The following COMMD10 variants were observed in gnomAD, a reference collection of about 807,000 sequenced individuals.
The protein encoded by COMMD10 is COMM domain-containing protein 10.
COMMD10 carries 33 observed loss-of-function variants against 28.9 expected under a neutral mutation model. That is an observed-to-expected ratio of 1.14 (90% CI 0.87 to 1.53). The LOEUF is 1.53. Ranked by LOEUF, COMMD10 falls within the 40% of genes most tolerant of loss-of-function variation. The pLI is 0.00. For missense variants in COMMD10, 310 were observed against 233.4 expected, an observed-to-expected ratio of 1.33 and a Z score of -2.14; for synonymous variants, 110 against 81.7, an observed-to-expected ratio of 1.35 and a Z score of -1.87.
At chr5:116,197,286 C>A (rs60078671) in intron 5 of COMMD10, among the ~76,000 whole-genome samples, 16,941 of 152,054 alleles carry the variant, frequency 0.11, 1,355 homozygotes, top group African/African-American at 0.22. Flanking sequence ...ACATTTTTTA[C>A]TTTGCAAAAT....
At chr5:116,244,110 A>G (rs540310987) in intron 5 of COMMD10, among the ~76,000 whole-genome samples, 1 of 152,300 alleles carries the variant, frequency 6.6e-6, no homozygotes, top group East Asian at 1.9e-4. Flanking sequence ...AGGCAACTTC[A>G]AGAACTGTTG....
At chr5:116,234,593 T>G (rs926945910) in intron 5 of COMMD10, among the ~76,000 whole-genome samples, 2 of 152,116 alleles carry the variant, frequency 1.3e-5, no homozygotes, top group Non-Finnish European at 2.9e-5. Flanking sequence ...TAAAGTAAAA[T>G]TCAGTGTTCA....
chr5:116,292,003 A>AC (rs1299108256), intron 6 of COMMD10, among the ~76,000 whole-genome samples: 1 of 151,432 alleles, frequency 6.6e-6, no homozygotes, highest in Non-Finnish European at 1.5e-5. Flanking sequence ...TACTCCCTCC[A>AC]CCCCCCAACT....
intron 5 of COMMD10, among the ~76,000 whole-genome samples, chr5:116,193,355 A>C (rs140997663): frequency 6.6e-6 from 1 of 152,338 alleles, no homozygotes; most frequent in East Asian, 1.9e-4. Context: ...TAAATGTTCC[A>C]CTTAAAAGAT....
chr5:116,201,547 G>C (rs921316352), intron 5 of COMMD10, among the ~76,000 whole-genome samples: 1 of 152,090 alleles, frequency 6.6e-6, no homozygotes, highest in Non-Finnish European at 1.5e-5. Flanking sequence ...TCTCCAATCT[G>C]GGGGGCAATG....
chr5:116,187,677 G>A (rs941298029), intron 5 of COMMD10, among the ~76,000 whole-genome samples: 4 of 151,848 alleles, frequency 2.6e-5, no homozygotes, highest in Non-Finnish European at 2.9e-5. Context: ...AATATCCAAC[G>A]GAAATTTGGA....
At chr5:116,145,919 A>G (rs1752336011) in intron 5 of COMMD10, among the ~76,000 whole-genome samples, 1 of 151,964 alleles carries the variant, frequency 6.6e-6, no homozygotes, top group Non-Finnish European at 1.5e-5. Context: ...CTGTGAGTCA[A>G]TTAAACCTCT....
intron 5 of COMMD10, among the ~76,000 whole-genome samples, chr5:116,267,852 G>A (rs1329270340): frequency 6.6e-6 from 1 of 151,838 alleles, no homozygotes; most frequent in Admixed American, 6.6e-5. Context: ...ATGGGGAAAG[G>A]ATTCCCTATT....
intron 5 of COMMD10, among the ~76,000 whole-genome samples, chr5:116,221,995 T>C (rs1749272349): frequency 6.6e-6 from 1 of 152,196 alleles, no homozygotes; most frequent in Admixed American, 6.5e-5. Flanking sequence ...GCATCTTCTT[T>C]AGTTACCAGG....
At chr5:116,159,186 C>T (rs1752837670) in intron 5 of COMMD10, among the ~76,000 whole-genome samples, 3 of 152,098 alleles carry the variant, frequency 2.0e-5, no homozygotes, top group African/African-American at 2.4e-5. Flanking sequence ...AAAGTGAAAC[C>T]CAAAGGCCTG....
At chr5:116,118,505 A>C (rs1365036395) in intron 4 of COMMD10, among the ~76,000 whole-genome samples, 1 of 55,496 alleles carries the variant, frequency 1.8e-5, no homozygotes, top group Non-Finnish European at 4.2e-5. Context: ...CCTTATGAAG[A>C]GGGATATTTT....
At chr5:116,151,335 C>T (rs1470620282) in intron 5 of COMMD10, among the ~76,000 whole-genome samples, 1 of 151,900 alleles carries the variant, frequency 6.6e-6, no homozygotes, top group Non-Finnish European at 1.5e-5. Context: ...TTGGTTGTGT[C>T]TCTGCCCAGC....
chr5:116,164,845 A>G (rs751031049), intron 5 of COMMD10, among the ~76,000 whole-genome samples: 21 of 152,138 alleles, frequency 1.4e-4, no homozygotes, highest in Non-Finnish European at 2.5e-4. Flanking sequence ...ACTGCCACTT[A>G]ATAAGCTATA....
intron 2 of COMMD10, among the ~76,000 whole-genome samples, chr5:116,088,465 G>C (rs765408011): frequency 6.6e-6 from 1 of 152,152 alleles, no homozygotes; most frequent in Non-Finnish European, 1.5e-5. Context: ...CTGAAACAAA[G>C]ATGTATTATA....
intron 5 of COMMD10, among the ~76,000 whole-genome samples, chr5:116,192,158 A>G (rs1006420815): frequency 2.0e-5 from 3 of 152,038 alleles, no homozygotes; most frequent in Admixed American, 2.0e-4. Flanking sequence ...AAGAATCTGA[A>G]CAACAGCCTT....
At chr5:116,177,822 T>C (rs1747775046) in intron 5 of COMMD10, among the ~76,000 whole-genome samples, 1 of 152,190 alleles carries the variant, frequency 6.6e-6, no homozygotes, top group African/African-American at 2.4e-5. Flanking sequence ...TTCATTTGTA[T>C]ATGTATCTCT....
chr5:116,260,197 C>A (rs980850666), intron 5 of COMMD10, among the ~76,000 whole-genome samples: 1 of 151,686 alleles, frequency 6.6e-6, no homozygotes, highest in Non-Finnish European at 1.5e-5. Context: ...ATGATGAAAC[C>A]ATTTCAATGG....
At chr5:116,266,515 C>T (rs1012187632) in intron 5 of COMMD10, among the ~76,000 whole-genome samples, 2 of 151,724 alleles carry the variant, frequency 1.3e-5, no homozygotes, top group African/African-American at 2.4e-5. Flanking sequence ...AACTTTGATG[C>T]AGTAGTAGTA....
intron 5 of COMMD10, among the ~76,000 whole-genome samples, chr5:116,287,836 A>G (rs1751258569): frequency 6.6e-6 from 1 of 151,624 alleles, no homozygotes; most frequent in Admixed American, 6.6e-5. Context: ...ACATATGAAA[A>G]CTTTCTCCTT....
Sources: gnomAD v4.1 joint callset for allele counts (sites outside exome capture counted in the v4.1 genomes callset) on GRCh38, gnomAD v4.1.1 for gene constraint, MANE v1.5 for transcripts, NCBI Gene and HGNC (gene_info 2026-07-23, HGNC 2026-07-21) for gene names.